The following SF3B1 variants were observed in gnomAD, a reference collection of about 807,000 sequenced individuals.
SF3B1 encodes splicing factor 3b subunit 1.
SF3B1 carries 12 observed loss-of-function variants against 153.8 expected under a neutral mutation model. The observed-to-expected ratio is 0.08, with a 90% CI of 0.05 to 0.13. The LOEUF is 0.13. Among genes scored for constraint, SF3B1 ranks in the 10% least tolerant of loss-of-function variants. The pLI is 1.00. For synonymous variants in SF3B1, 498 were observed against 525.2 expected (o/e 0.95, Z 0.71); for missense variants, 513 against 1,606.1 (o/e 0.32, Z 11.63).
chr2:197,422,526 A>AT (rs1292118364), intron 2 of SF3B1, among the ~76,000 whole-genome samples: 1 of 152,108 alleles, frequency 6.6e-6, no homozygotes, highest in African/African-American at 2.4e-5. Flanking sequence ...CATTGTGCAC[A>AT]TGGACCCTAG....
chr2:197,412,402 C>T (rs1232568601), intron 6 of SF3B1, among the ~76,000 whole-genome samples: 2 of 151,640 alleles, frequency 1.3e-5, no homozygotes, highest in East Asian at 4.0e-4. Context: ...GTCACCCAGG[C>T]CAGAGTCCAA....
rs768063138 is a variant in SF3B1 at position 197,405,476 on chromosome 2, ATAAAAGT to A, written c.1240-11_1240-5del. The A allele has an allele frequency of 6.3e-7, 1 of 1,596,212 alleles. No homozygotes were observed. Among genetic ancestry groups the A allele is most frequent in the East Asian group, 2.2e-5 (1 of 44,602 alleles). The stretch of plus-strand genomic sequence containing the variant: ...AACCAGCTGGAGGAGGAAGTACCTA[ATAAAAGT>A]TATAAGACAGTTTAGGATTTTCTTA... On this transcript the variant is annotated splice_polypyrimidine_tract_variant and splice_region_variant and intron_variant, in intron 9 of 24. Transcript: ENST00000335508.
intron 1 of SF3B1, among the ~76,000 whole-genome samples, chr2:197,432,739 T>C (rs747208932): frequency 6.6e-6 from 1 of 152,072 alleles, no homozygotes; most frequent in East Asian, 1.9e-4. Context: ...TGGTGGCACA[T>C]GCCTGCGATA....
rs759369829 is a variant in SF3B1 at position 197,405,504 on chromosome 2, T to G, written c.1240-32A>C. The G allele has an allele frequency of 3.4e-6, 5 of 1,482,356 alleles. No homozygotes were observed. In the East Asian group the frequency reaches 1.2e-4, roughly 35 times the overall value. The allele number at this position is 1,482,356 out of a possible 1,614,324, so 91.8% of individuals were successfully genotyped here. Reference sequence around the variant, plus strand: ...AAAGTTATAAGACAGTTTAGGATTTTCTTAACTTAAAAAACAGCATAATGA... The same window carrying G: ...AAAGTTATAAGACAGTTTAGGATTTGCTTAACTTAAAAAACAGCATAATGA... On this transcript the variant is annotated intron_variant, in intron 9 of 24. Coordinates refer to ENST00000335508, the MANE Select transcript of SF3B1 (RefSeq NM_012433.4).
chr2:197,396,872 A>T (rs56718086), intron 22 of SF3B1, among the ~76,000 whole-genome samples: 44 of 152,130 alleles, frequency 2.9e-4, no homozygotes, highest in Middle Eastern at 3.4e-3. Context: ...CTATTCTTGC[A>T]AATGTCTTGA....
rs530603028 is a variant in SF3B1, at chr2:197,412,987, A to G, written c.667-2980T>C. Reference sequence around the variant, plus strand: ...TGTTGTCTCAAAAAAAAAAAAAAAAAAAAAAAAAGATATCAGCTCTTGTGT... The same window carrying G: ...TGTTGTCTCAAAAAAAAAAAAAAAAGAAAAAAAAGATATCAGCTCTTGTGT... On this transcript the variant is annotated intron_variant, in intron 6 of 24. Coordinates refer to ENST00000335508, the MANE Select transcript of SF3B1 (RefSeq NM_012433.4). Among the ~76,000 whole-genome samples, 379 of 151,438 alleles carry G rather than the reference A, an allele frequency of 2.5e-3. 4 individuals are homozygous for G. Among genetic ancestry groups the G allele is most frequent in the African/African-American group, 8.8e-3 (365 of 41,286 alleles).
chr2:197,416,669 C>A, intron 6 of SF3B1, 72 bp downstream of exon 6: 1 of 1,331,344 alleles, frequency 7.5e-7, no homozygotes, highest in Non-Finnish European at 1.0e-6. Context: ...TATGGCAACC[C>A]AAGCAGACTA....
At position 197,405,595 on chromosome 2, in the gene SF3B1, CATCT is replaced by C. The variant is rs1021872572; in HGVS notation, c.1240-127_1240-124del. The C allele has an allele frequency of 2.2e-5, 15 of 667,068 alleles. No homozygotes were observed. In the African/African-American group the frequency reaches 2.4e-4, roughly 11 times the overall value. The allele number at this position is 667,068 out of a possible 1,614,324, so 41.3% of individuals were successfully genotyped here. A position where few individuals can be genotyped will look rare whatever the true frequency, so the allele number is the denominator to read the frequency against. ...AAGGTTTTTATTTGCTTGGAGACAA[CATCT>C]ATCTTGCTTTTCTATCTTAATTAGA... is the stretch of plus-strand genomic sequence containing the variant. On this transcript the variant is annotated intron_variant, in intron 9 of 24. Coordinates refer to ENST00000335508, the MANE Select transcript of SF3B1 (RefSeq NM_012433.4).
intron 5 of SF3B1, among the ~76,000 whole-genome samples, chr2:197,417,672 G>A (rs1321168849): frequency 4.6e-5 from 7 of 151,186 alleles, no homozygotes; most frequent in Middle Eastern, 3.3e-3. Flanking sequence ...CAGGAGAATC[G>A]CTTGGACCCA....
chr2:197,402,845 A>C lies in SF3B1; in HGVS notation c.1807-19T>G. 1.2e-6 allele frequency: 2 copies of C among 1,612,304 alleles called. No homozygotes were observed. The highest frequency in any genetic ancestry group is 1.3e-5 in the African/African-American group (1 of 74,920). ...CAGCAGCCTAAAATGTAAACAAAGA[A>C]AGGACAGTCATGAGTTGGTAATATT... On this transcript the variant is annotated intron_variant, in intron 13 of 24. Coordinates refer to ENST00000335508, the MANE Select transcript of SF3B1 (RefSeq NM_012433.4). This position sits in a 1 kb window ranked among gnomAD's most constrained non-coding sequence, Gnocchi z 4.6.
At chr2:197,434,878 G>C (rs2106030957) in intron 1 of SF3B1, 94 bp downstream of exon 1, 1 of 1,401,776 alleles carries the variant, frequency 7.1e-7, no homozygotes. Flanking sequence ...CAGCTCCTAC[G>C]AAAGAAACCA....
In SF3B1 at chr2:197,390,516, CAT is replaced by C. The variant is rs1378312756; in HGVS notation, c.*1785_*1786del. ...AGTGTTTAATTTTACTACATAGTGACATATATTCAGAAAGTTGTCATACAAGG... is the reference window on the plus strand; with the variant it reads ...AGTGTTTAATTTTACTACATAGTGACATATTCAGAAAGTTGTCATACAAGG... On this transcript the variant is annotated 3_prime_UTR_variant, in exon 25 of 25. Coordinates refer to ENST00000335508, the MANE Select transcript of SF3B1 (RefSeq NM_012433.4). 2 of 151,998 alleles carry C rather than the reference CAT, an allele frequency of 1.3e-5. No individual in the cohort carries two copies. The highest frequency in any genetic ancestry group is 4.8e-5 in the African/African-American group (2 of 41,360). 9.4% of individuals were successfully genotyped at this position (151,998 alleles called of 1,614,324 possible).
Position 197,434,989 on chromosome 2 carries a change from A to G in SF3B1, c.11T>C (p.Ile4Thr). Reference sequence around the variant, plus strand: ...CCGCTTACCTTCGTGAGTCTTGGCGATCTTCGCCATTTTGTCCACTCGAAC... The same window carrying G: ...CCGCTTACCTTCGTGAGTCTTGGCGGTCTTCGCCATTTTGTCCACTCGAAC... MAK[I>T]AKTHEDIEAQ... Residue 4 changes from isoleucine (I) to threonine (T), a missense_variant, in exon 1 of 25, where the codon ATC becomes ACC. Ile to Thr is a moderately conservative substitution (Grantham distance 89). This residue lies in a region of SF3B1 where 27 missense variants were observed against 26.7 expected (regional missense o/e 1.01). Coordinates refer to ENST00000335508, the MANE Select transcript of SF3B1 (RefSeq NM_012433.4). 1 of 1,614,278 alleles carries G rather than the reference A, an allele frequency of 6.2e-7. No homozygotes were observed.
intron 20 of SF3B1, among the ~76,000 whole-genome samples, chr2:197,399,563 G>A (rs1456154376): frequency 6.6e-6 from 1 of 152,102 alleles, no homozygotes; most frequent in African/African-American, 2.4e-5. Flanking sequence ...TAAAACTTGG[G>A]TATGTAAATA....
chr2:197,409,890 G>C lies in SF3B1; in HGVS notation c.784C>G (p.Pro262Ala). 1 of 1,614,158 alleles carries C rather than the reference G, an allele frequency of 6.2e-7. No homozygotes were observed. The highest frequency in any genetic ancestry group is 8.5e-7 in the Non-Finnish European group (1 of 1,180,010). ...CGTCCAGGAGTAGCAGCTCCCGCTG[G>C]TGTGTGGCTAGGTGTAGGATCCCAT... ...KIWDPTPSHT[P>A]AGAATPGRGD... The change falls in exon 7 of 25, where the codon CCA becomes GCA. Residue 262 changes from proline (P) to alanine (A), a missense_variant. This residue lies in a region of SF3B1 where 91 missense variants were observed against 157.4 expected (regional missense o/e 0.58). Coordinates refer to ENST00000335508, the MANE Select transcript of SF3B1 (RefSeq NM_012433.4).
In SF3B1 at chr2:197,402,908, A is replaced by G. The variant is rs745798706; in HGVS notation, c.1806+41T>C. On this transcript the variant is annotated intron_variant, in intron 13 of 24. Transcript: ENST00000335508. The surrounding 1 kb of genome is among the most constrained non-coding windows in gnomAD (Gnocchi z 4.6). ...TTTCTTTCCATAATCAATTCCATAA[A>G]CAGATATAAATTTTCTTCTCTAGAA... is the stretch of plus-strand genomic sequence containing the variant. 6.2e-7 allele frequency: 1 copy of G among 1,607,632 alleles called. No individual in the cohort carries two copies. Among genetic ancestry groups the G allele is most frequent in the Non-Finnish European group, 8.5e-7 (1 of 1,175,244 alleles).
intron 23 of SF3B1, among the ~76,000 whole-genome samples, chr2:197,393,921 T>C (rs377611518): frequency 1.3e-5 from 2 of 152,152 alleles, no homozygotes; most frequent in East Asian, 3.8e-4. Context: ...TGGTGGCTCA[T>C]GTCTGTAATC....
intron 6 of SF3B1, among the ~76,000 whole-genome samples, chr2:197,412,970 CAAAA>C (rs779446735): frequency 3.4e-3 from 153 of 45,498 alleles, no homozygotes; most frequent in African/African-American, 9.1e-3. Context: ...ACTGTTGTCT[CAAAA>C]AAAAAAAAAA....
chr2:197,435,072 A>G, upstream of SF3B1: 1 of 1,612,362 alleles, frequency 6.2e-7, no homozygotes, highest in Non-Finnish European at 8.5e-7. Context: ...CCACGGAGAA[A>G]AATAGCTGGG....
Sources: allele counts gnomAD v4.1 joint callset (sites outside exome capture counted in the v4.1 genomes callset), GRCh38; gene constraint gnomAD v4.1.1; regional missense constraint gnomAD v4.1.1; non-coding constraint Gnocchi (gnomAD v3.1); transcripts MANE v1.5; gene names NCBI Gene and HGNC (gene_info 2026-07-23, HGNC 2026-07-21).